Variants in RYR2 observed in about 807,000 individuals in gnomAD.
RYR2 encodes the protein cardiac muscle ryanodine receptor-calcium release channel.
RYR2 carries 227 observed loss-of-function variants against 601.1 expected under a neutral mutation model. That is an observed-to-expected ratio of 0.38 (90% CI 0.34 to 0.42). The LOEUF (loss-of-function observed/expected upper bound fraction) is 0.42. Ranked by LOEUF, RYR2 falls within the 10% of genes least tolerant of loss-of-function variation. The pLI is 1.00. For synonymous variants in RYR2, 2,223 were observed against 2,175.1 expected (o/e 1.02, Z -0.61); for missense variants, 4,646 against 6,156.5 (o/e 0.75, Z 8.21).
At chr1:237,425,319 C>T (rs1706043643) in intron 12 of RYR2, among the ~76,000 whole-genome samples, 1 of 152,088 alleles carries the variant, frequency 6.6e-6, no homozygotes. Flanking sequence ...CACCAACACC[C>T]CTCCCCCATG....
rs115034176 is a variant in RYR2, at chr1:237,145,839, A to G, written c.48+103270A>G. Among the ~76,000 whole-genome samples, 488 of 152,344 alleles carry G rather than the reference A, an allele frequency of 3.2e-3. 1 individual carries two copies. The highest frequency in any genetic ancestry group is 9.2e-3 in the African/African-American group (384 of 41,578). ...AAATAGAAGTTTTAAGGGAGGAATT[A>G]GATGCCTCAGCTATATTTTTAAACG... On this transcript the variant is annotated intron_variant, in intron 1 of 104. Transcript: ENST00000366574.
At chr1:237,198,468 A>C (rs1026335558) in intron 1 of RYR2, among the ~76,000 whole-genome samples, 45 of 143,186 alleles carry the variant, frequency 3.1e-4, no homozygotes, top group African/African-American at 1.1e-3. Context: ...TTGGTATGGA[A>C]GTATTTTCCT....
intron 27 of RYR2, among the ~76,000 whole-genome samples, chr1:237,565,574 ACT>A (rs1354910320): frequency 6.6e-6 from 1 of 152,078 alleles, no homozygotes; most frequent in Non-Finnish European, 1.5e-5. Context: ...GTAACTAGTA[ACT>A]CTGTGCGAGC....
intron 2 of RYR2, among the ~76,000 whole-genome samples, chr1:237,315,499 TGG>T (rs1036776006): frequency 2.0e-5 from 3 of 152,182 alleles, no homozygotes; most frequent in African/African-American, 7.2e-5. Context: ...TATTTTTTGG[TGG>T]TCCATTTGCA....
At position 237,610,824 on chromosome 1, in the gene RYR2, C is replaced by G. The variant is rs756725225; in HGVS notation, c.4746C>G (p.Cys1582Trp). Reference protein sequence around the residue: ...KSEHKNPVPQCPPRLHVQFLS... With the variant: ...KSEHKNPVPQWPPRLHVQFLS... ...AGCACAAGAACCCCGTGCCGCAGTG[C>G]CCCCCGCGCCTCCACGTGCAGTTCC... is the stretch of plus-strand genomic sequence containing the variant. The change falls in exon 36 of 105, where the codon TGC becomes TGG. Residue 1582 changes from cysteine to tryptophan, a missense_variant. By Grantham distance (215) the Cys-to-Trp change is radical (BLOSUM62 -2). This residue lies in a region of RYR2 where 1,807 missense variants were observed against 2,088.1 expected (regional missense o/e 0.87). Transcript: ENST00000366574. This position sits in a 1 kb window ranked among gnomAD's most constrained non-coding sequence, Gnocchi z 4.9. The G allele has an allele frequency of 5.6e-6, 9 of 1,611,564 alleles. No homozygotes were observed. The South Asian group carries it at 8.8e-5, about 16-fold the overall frequency.
chr1:237,717,471 T>A, intron 72 of RYR2, 103 bp downstream of exon 72: 1 of 991,354 alleles, frequency 1.0e-6, no homozygotes. Flanking sequence ...TCATTTGCAT[T>A]ACATGTTTTA....
In RYR2 at chr1:237,593,528, T is replaced by A. The variant is rs1474452038; in HGVS notation, c.4328T>A (p.Val1443Glu). The change falls in exon 33 of 105, where the codon GTG (valine) becomes GAG (glutamate). Residue 1443 changes from valine to glutamate, a missense_variant. By Grantham distance (121) the Val-to-Glu change is moderately radical. This residue lies in a region of RYR2 where 1,807 missense variants were observed against 2,088.1 expected (regional missense o/e 0.87). Transcript: ENST00000366574. ...GGACAAGAACCTGCTAATGTCTGGG[T>A]GGGCTGGATTACATCAGATTTCCAT... ...FPGQEPANVW[V>E]GWITSDFHQY... 6.2e-7 allele frequency: 1 copy of A among 1,613,814 alleles called. No homozygotes were observed. Among genetic ancestry groups the A allele is most frequent in the African/African-American group, 1.3e-5 (1 of 74,920 alleles).
chr1:237,785,928 T>G, intron 90 of RYR2, 41 bp from the exon 91 acceptor site: 1 of 1,370,380 alleles, frequency 7.3e-7, no homozygotes, highest in Non-Finnish European at 1.0e-6. Context: ...TCAAAGGTGA[T>G]GGGTAATCCT....
At chr1:237,488,110 T>C (rs1230859564) in intron 17 of RYR2, among the ~76,000 whole-genome samples, 1 of 152,180 alleles carries the variant, frequency 6.6e-6, no homozygotes, top group Non-Finnish European at 1.5e-5. Context: ...ATTCACTCTA[T>C]GGGCCTTCAT....
intron 17 of RYR2, among the ~76,000 whole-genome samples, chr1:237,474,919 T>G (rs1395647902): frequency 6.6e-6 from 1 of 152,192 alleles, no homozygotes; most frequent in Non-Finnish European, 1.5e-5. Context: ...AGTAGGACTT[T>G]CCCTTACTTG....
intron 60 of RYR2, 93 bp from the exon 61 acceptor site, chr1:237,677,955 C>T (rs915731340): frequency 2.5e-6 from 2 of 797,414 alleles, no homozygotes; most frequent in African/African-American, 1.7e-5. Flanking sequence ...CGGGATAATA[C>T]ATTTAGCAAT....
intron 38 of RYR2, 93 bp downstream of exon 38, chr1:237,617,579 G>C: frequency 3.4e-6 from 4 of 1,164,314 alleles, no homozygotes; most frequent in Admixed American, 2.3e-5. Flanking sequence ...CACACGTCTT[G>C]TTTTCCTTGT....
intron 100 of RYR2, among the ~76,000 whole-genome samples, chr1:237,813,134 A>G (rs1048703983): frequency 6.6e-6 from 1 of 152,036 alleles, no homozygotes; most frequent in Non-Finnish European, 1.5e-5. Context: ...CTACCCTGTG[A>G]CCCTGAAGGC....
intron 1 of RYR2, among the ~76,000 whole-genome samples, chr1:237,070,403 C>T (rs1245567487): frequency 6.6e-6 from 1 of 152,108 alleles, no homozygotes; most frequent in African/African-American, 2.4e-5. Flanking sequence ...GGATGAATAA[C>T]AGAAAACAAT....
At chr1:237,685,243 T>C (rs935744517) in intron 62 of RYR2, among the ~76,000 whole-genome samples, 3 of 152,186 alleles carry the variant, frequency 2.0e-5, no homozygotes, top group Admixed American at 1.3e-4. Context: ...TTAATCCTTA[T>C]AGTTTCTATG....
At chr1:237,117,955 A>G (rs1670323013) in intron 1 of RYR2, among the ~76,000 whole-genome samples, 1 of 152,304 alleles carries the variant, frequency 6.6e-6, no homozygotes. Flanking sequence ...CATGTTGGCC[A>G]GGCTGGCCTC....
At chr1:237,053,137 G>A (rs964417158) in intron 1 of RYR2, among the ~76,000 whole-genome samples, 6 of 152,076 alleles carry the variant, frequency 3.9e-5, no homozygotes, top group East Asian at 1.9e-4. Context: ...GTGAGCCACC[G>A]CACCCAACCC....
intron 1 of RYR2, among the ~76,000 whole-genome samples, chr1:237,121,758 C>T (rs1288240093): frequency 1.3e-5 from 2 of 152,172 alleles, no homozygotes; most frequent in Non-Finnish European, 2.9e-5. Context: ...TTCCTTGGGG[C>T]AGGCATGGCG....
intron 1 of RYR2, among the ~76,000 whole-genome samples, chr1:237,211,623 A>T (rs1195233508): frequency 6.6e-6 from 1 of 152,216 alleles, no homozygotes; most frequent in Non-Finnish European, 1.5e-5. Flanking sequence ...TCCAGAAGGA[A>T]ATTTCATTGC....
Sources: gnomAD v4.1 joint callset for allele counts (sites outside exome capture counted in the v4.1 genomes callset) on GRCh38, gnomAD v4.1.1 for gene constraint, gnomAD v4.1.1 regional missense constraint, Gnocchi (gnomAD v3.1) non-coding constraint, MANE v1.5 for transcripts, NCBI Gene and HGNC (gene_info 2026-07-23, HGNC 2026-07-21) for gene names.